PIK3C2A: variants seen among roughly 807,000 people sequenced by gnomAD.
PIK3C2A encodes the protein phosphatidylinositol-4-phosphate 3-kinase catalytic subunit type 2 alpha, also known as phosphatidylinositol 4-phosphate 3-kinase C2 domain-containing subunit alpha.
In PIK3C2A, 97 loss-of-function variants were observed where a neutral mutation model predicts 204.5. The ratio of observed to expected loss-of-function variants is 0.47; its 90% CI spans 0.40 to 0.56. The LOEUF is 0.56. Ranked by LOEUF, PIK3C2A falls within the 20% of genes least tolerant of loss-of-function variation. The pLI is 0.00. For synonymous variants in PIK3C2A, 653 were observed against 664.4 expected (o/e 0.98, Z 0.26); for missense variants, 1,735 against 1,969.2 (o/e 0.88, Z 2.25).
rs1302225476 is a variant in PIK3C2A at position 17,148,795 on chromosome 11, AGAGT to A, written c.1328-12_1328-9del. ...TTTCTACAGTAGAACTCACTGTAAA[AGAGT>A]TAGTCATTATTTTCACTTTGCTCAT... On this transcript the variant is annotated splice_polypyrimidine_tract_variant and intron_variant, in intron 4 of 32. Transcript: ENST00000691414. The A allele has an allele frequency of 1.9e-6, 3 of 1,604,226 alleles. No individual in the cohort carries two copies. Among genetic ancestry groups the A allele is most frequent in the Non-Finnish European group, 2.6e-6 (3 of 1,173,512 alleles).
chr11:17,114,385 T>C lies in PIK3C2A; in HGVS notation c.3297A>G (p.Leu1099=). Residue 1099 remains leucine (L), a synonymous_variant, in exon 20 of 33, where the codon CTA becomes CTG. Transcript: ENST00000691414. ...NKCRLPLKPS[L]VAKELNIKSC... ...CCTTAATATTTAATTCTTTTGCCAC[T>C]AGACTTGGCTTGAGAGGGAGACGGC... 5 of 1,553,536 alleles carry C rather than the reference T, an allele frequency of 3.2e-6. No homozygotes were observed. The highest frequency in any genetic ancestry group is 1.4e-5 in the African/African-American group (1 of 73,830).
intron 11 of PIK3C2A, among the ~76,000 whole-genome samples, chr11:17,132,791 G>A (rs1324022598): frequency 2.0e-5 from 3 of 152,178 alleles, no homozygotes; most frequent in Non-Finnish European, 4.4e-5. Context: ...AGCTAAGCAT[G>A]TGCCTGACTT....
At chr11:17,129,560 T>C in intron 12 of PIK3C2A, 93 bp from the exon 13 acceptor site, 1 of 761,632 alleles carries the variant, frequency 1.3e-6, no homozygotes, top group Non-Finnish European at 2.2e-6. Flanking sequence ...AGGTATTGTA[T>C]TTAACCTTTC....
intron 1 of PIK3C2A, among the ~76,000 whole-genome samples, chr11:17,176,729 T>A (rs999305159): frequency 1.3e-4 from 20 of 151,892 alleles, no homozygotes; most frequent in African/African-American, 4.8e-4. Flanking sequence ...AAGGTTAGAG[T>A]GAGCTATGAT....
intron 2 of PIK3C2A, among the ~76,000 whole-genome samples, chr11:17,162,987 T>C (rs948054599): frequency 6.6e-6 from 1 of 152,114 alleles, no homozygotes; most frequent in Admixed American, 6.6e-5. Context: ...GAATTCTCAA[T>C]TCACAGAAAA....
Position 17,089,669 on chromosome 11 carries a change from G to C in PIK3C2A, c.*69C>G, listed in dbSNP as rs1409289920. The C allele has an allele frequency of 4.9e-6, 4 of 811,774 alleles. No individual in the cohort carries two copies. The highest frequency in any genetic ancestry group is 6.0e-6 in the Non-Finnish European group (3 of 500,262). The allele number at this position is 811,774 out of a possible 1,614,324, so 50.3% of individuals were successfully genotyped here. A position where few individuals can be genotyped will look rare whatever the true frequency, so the allele number is the denominator to read the frequency against. On this transcript the variant is annotated 3_prime_UTR_variant, in exon 33 of 33. Coordinates refer to ENST00000691414, the MANE Select transcript of PIK3C2A (RefSeq NM_002645.4). ...TTAACAAGTGTGTGTGTGTGTGTCT[G>C]TGTGTGTGTGCATGTATGCATGCAC...
At chr11:17,173,512 A>T (rs906473181) in intron 1 of PIK3C2A, among the ~76,000 whole-genome samples, 2 of 152,262 alleles carry the variant, frequency 1.3e-5, no homozygotes, top group Admixed American at 6.5e-5. Flanking sequence ...AGAAAGACAG[A>T]TTCTGGCTAA....
intron 2 of PIK3C2A, among the ~76,000 whole-genome samples, chr11:17,157,343 C>T (rs1023444420): frequency 6.6e-5 from 10 of 150,918 alleles, no homozygotes; most frequent in South Asian, 2.1e-4. Flanking sequence ...GCTTGTAATT[C>T]AAGCTACTCA....
At chr11:17,150,929 T>C (rs12273798) in intron 3 of PIK3C2A, among the ~76,000 whole-genome samples, 7,934 of 152,248 alleles carry the variant, frequency 0.052, 262 homozygotes, top group African/African-American at 0.081. Flanking sequence ...CTTGGATAAA[T>C]GGCATTTTAA....
At chr11:17,202,878 C>T (rs1293153568) in intron 1 of PIK3C2A, among the ~76,000 whole-genome samples, 1 of 152,170 alleles carries the variant, frequency 6.6e-6, no homozygotes, top group Non-Finnish European at 1.5e-5. Context: ...ACCAACATTG[C>T]ACATCAGTCA....
intron 12 of PIK3C2A, among the ~76,000 whole-genome samples, chr11:17,130,002 CT>C (rs1228235696): frequency 6.6e-6 from 1 of 152,138 alleles, no homozygotes; most frequent in Non-Finnish European, 1.5e-5. Flanking sequence ...TATAACATTT[CT>C]TTCTTTAAAG....
intron 1 of PIK3C2A, among the ~76,000 whole-genome samples, chr11:17,187,754 G>A (rs544212001): frequency 3.3e-5 from 5 of 152,060 alleles, no homozygotes; most frequent in African/African-American, 7.2e-5. Context: ...GGAAGGATTC[G>A]GGGAAAAAGA....
At chr11:17,118,588 C>A in intron 18 of PIK3C2A, 57 bp downstream of exon 18, 1 of 786,284 alleles carries the variant, frequency 1.3e-6, no homozygotes, top group Non-Finnish European at 2.2e-6. Flanking sequence ...ACAGGGTATG[C>A]CATTTCTATA....
chr11:17,132,315 A>ATTTTTTT (rs11307715), intron 11 of PIK3C2A, among the ~76,000 whole-genome samples: 2 of 78,810 alleles, frequency 2.5e-5, no homozygotes, highest in African/African-American at 1.1e-4. Flanking sequence ...ATTAACTTTA[A>ATTTTTTT]TTTTTTTTTT....
At chr11:17,100,404 T>C (rs1160633216) in intron 25 of PIK3C2A, among the ~76,000 whole-genome samples, 1 of 151,912 alleles carries the variant, frequency 6.6e-6, no homozygotes, top group Non-Finnish European at 1.5e-5. Flanking sequence ...GTATTTTTGA[T>C]AGAGATGGGG....
intron 1 of PIK3C2A, among the ~76,000 whole-genome samples, chr11:17,182,001 AG>A (rs1214430224): frequency 6.6e-6 from 1 of 151,626 alleles, no homozygotes; most frequent in East Asian, 1.9e-4. Flanking sequence ...GCTGAGAAAG[AG>A]AATCGCTTGA....
chr11:17,149,789 T>C (rs894091860), intron 4 of PIK3C2A, among the ~76,000 whole-genome samples: 22 of 152,284 alleles, frequency 1.4e-4, no homozygotes, highest in African/African-American at 5.1e-4. Context: ...CAGTAGCTAA[T>C]GGTTTTCTGT....
intron 2 of PIK3C2A, among the ~76,000 whole-genome samples, chr11:17,167,923 G>A (rs1049418562): frequency 6.6e-6 from 1 of 151,940 alleles, no homozygotes; most frequent in East Asian, 1.9e-4. Context: ...TCTCTCTGGG[G>A]TTATTTATTC....
Position 17,169,693 on chromosome 11 carries a change from G to A in PIK3C2A, c.49C>T (p.His17Tyr). The change falls in exon 2 of 33, where the codon CAT becomes TAT. Residue 17 changes from histidine to tyrosine, a missense_variant. Physicochemically the swap from His to Tyr is moderately conservative, Grantham distance 83 (BLOSUM62 2). Coordinates refer to ENST00000691414, the MANE Select transcript of PIK3C2A (RefSeq NM_002645.4). ...TCTTTTGCTCTTGTTGGTTCCGGAT[G>A]TGAAGATGGACATTCTTTAAATCCG... Reference protein sequence around the residue: ...NSGFKECPSSHPEPTRAKDVD... With the variant: ...NSGFKECPSSYPEPTRAKDVD... The A allele has an allele frequency of 6.2e-7, 1 of 1,609,386 alleles. No individual in the cohort carries two copies. The highest frequency in any genetic ancestry group is 1.3e-5 in the African/African-American group (1 of 75,012).
Sources: allele counts gnomAD v4.1 joint callset (sites outside exome capture counted in the v4.1 genomes callset), GRCh38; gene constraint gnomAD v4.1.1; transcripts MANE v1.5; gene names NCBI Gene and HGNC (gene_info 2026-07-23, HGNC 2026-07-21).